Variants in KLHL8 observed in about 807,000 individuals in gnomAD.
KLHL8 encodes kelch-like protein 8.
Under a neutral mutation model 63.5 loss-of-function variants are expected in KLHL8, and 38 were observed. The observed-to-expected ratio is 0.60, with a 90% CI of 0.46 to 0.78. KLHL8 has a LOEUF of 0.78. Ranked by LOEUF, KLHL8 falls within the 30% of genes least tolerant of loss-of-function variation. The probability of loss-of-function intolerance (pLI) is 0.00; values close to 1 mark genes in which losing one functional copy is unlikely to be tolerated. For synonymous variants in KLHL8, 224 were observed against 254.3 expected, an observed-to-expected ratio of 0.88 and a Z score of 1.13; for missense variants, 566 against 752.4, an observed-to-expected ratio of 0.75 and a Z score of 2.90.
At chr4:87,233,087 T>A (rs1329850744) in intron 1 of KLHL8, among the ~76,000 whole-genome samples, 1 of 152,054 alleles carries the variant, frequency 6.6e-6, no homozygotes, top group Non-Finnish European at 1.5e-5. Flanking sequence ...TCGCCAAGGC[T>A]GGGGTGTAGT....
chr4:87,214,022 C>T, intron 1 of KLHL8, among the ~76,000 whole-genome samples: 1 of 151,990 alleles, frequency 6.6e-6, no homozygotes, highest in East Asian at 1.9e-4. Context: ...GTATCTAGTA[C>T]ATAGTAAGAT....
intron 4 of KLHL8, among the ~76,000 whole-genome samples, chr4:87,182,779 T>C (rs965584850): frequency 2.0e-5 from 3 of 152,328 alleles, no homozygotes; most frequent in East Asian, 1.9e-4. Context: ...CCCTTTTTAT[T>C]TGGTAAAATG....
At chr4:87,196,153 G>GTT (rs11416450) in intron 1 of KLHL8, among the ~76,000 whole-genome samples, 135 of 145,750 alleles carry the variant, frequency 9.3e-4, no homozygotes, top group Middle Eastern at 3.6e-3. Context: ...TTAACTGGGA[G>GTT]TTTTTTTTTT....
intron 6 of KLHL8, among the ~76,000 whole-genome samples, chr4:87,172,948 A>G (rs1315080086): frequency 1.3e-5 from 2 of 152,188 alleles, no homozygotes; most frequent in African/African-American, 4.8e-5. Flanking sequence ...TATTAAATAT[A>G]TATGTTTAAT....
intron 1 of KLHL8, among the ~76,000 whole-genome samples, chr4:87,208,853 A>T (rs1004307590): frequency 7.2e-5 from 11 of 152,192 alleles, no homozygotes; most frequent in African/African-American, 2.4e-4. Flanking sequence ...TTGTCAGCGT[A>T]CTATTTCTAT....
intron 1 of KLHL8, among the ~76,000 whole-genome samples, chr4:87,209,618 C>A (rs1424067945): frequency 6.6e-6 from 1 of 152,140 alleles, no homozygotes; most frequent in African/African-American, 2.4e-5. Flanking sequence ...CTAAGCCAGA[C>A]CACCTTATTC....
At chr4:87,168,710 GTA>G (rs954833009) in intron 8 of KLHL8, among the ~76,000 whole-genome samples, 5 of 142,784 alleles carry the variant, frequency 3.5e-5, no homozygotes, top group Non-Finnish European at 6.1e-5. Context: ...ATATATATGT[GTA>G]TATATATACG....
chr4:87,227,558 G>A (rs561950328), intron 1 of KLHL8, among the ~76,000 whole-genome samples: 1 of 152,290 alleles, frequency 6.6e-6, no homozygotes, highest in Non-Finnish European at 1.5e-5. Flanking sequence ...GCTGAGGTGG[G>A]AGGATCCCTT....
At chr4:87,238,656 G>T (rs950376820) in intron 1 of KLHL8, among the ~76,000 whole-genome samples, 1 of 152,154 alleles carries the variant, frequency 6.6e-6, no homozygotes, top group Non-Finnish European at 1.5e-5. Context: ...GTCATATGTG[G>T]CTAGTAGCTA....
At chr4:87,190,339 C>T (rs990385553) in intron 2 of KLHL8, among the ~76,000 whole-genome samples, 2 of 151,956 alleles carry the variant, frequency 1.3e-5, no homozygotes, top group African/African-American at 4.8e-5. Flanking sequence ...AATCTTGATA[C>T]TTCAAAATAA....
rs1731302507 is a variant in KLHL8 at position 87,187,345 on chromosome 4, G to A, written c.217-1546C>T. On this transcript the variant is annotated intron_variant, in intron 2 of 9. Transcript: ENST00000273963. ...AAAAGTGCTAAGATTATAGGTGTGA[G>A]CCATTGTGCCCGGCCATAGTTGCCA... is the stretch of plus-strand genomic sequence containing the variant. Among the ~76,000 whole-genome samples the A allele has an allele frequency of 2.0e-5, 3 of 150,862 alleles. No homozygotes were observed. In the East Asian group the frequency reaches 5.8e-4, roughly 29 times the overall value.
At chr4:87,214,415 G>GAGATATAT (rs1732512148) in intron 1 of KLHL8, among the ~76,000 whole-genome samples, 5 of 93,108 alleles carry the variant, frequency 5.4e-5, no homozygotes, top group Admixed American at 5.0e-4. Flanking sequence ...GCACATAACA[G>GAGATATAT]ATATATATAT....
At chr4:87,234,436 C>CA (rs35074980) in intron 1 of KLHL8, among the ~76,000 whole-genome samples, 55,392 of 131,502 alleles carry the variant, frequency 0.42, 10,933 homozygotes, top group South Asian at 0.47. Flanking sequence ...GTCTCTGTCT[C>CA]AAAAAAAAAA....
rs567811370 is a variant in KLHL8 at position 87,199,129 on chromosome 4, G to A, written c.-151-3439C>T. On this transcript the variant is annotated intron_variant, in intron 1 of 9. Transcript: ENST00000273963. ...ACTTTAAGTATAAAGACACAAATAGGTTAAAGGAATTGGATAGAAAGAAGA... is the reference window on the plus strand; with the variant it reads ...ACTTTAAGTATAAAGACACAAATAGATTAAAGGAATTGGATAGAAAGAAGA... Among the ~76,000 whole-genome samples the A allele has an allele frequency of 2.0e-5, 3 of 152,108 alleles. No homozygotes were observed. In the East Asian group the frequency reaches 5.8e-4, roughly 29 times the overall value.
chr4:87,225,581 A>T (rs909133413), upstream of KLHL8, among the ~76,000 whole-genome samples: 1 of 152,204 alleles, frequency 6.6e-6, no homozygotes, highest in Non-Finnish European at 1.5e-5. Context: ...CAAAATATCT[A>T]TATAAGACAG....
intron 6 of KLHL8, 74 bp from the exon 7 acceptor site, chr4:87,170,689 T>A: frequency 7.8e-7 from 1 of 1,280,642 alleles, no homozygotes; most frequent in Non-Finnish European, 1.1e-6. Flanking sequence ...AAAATTGTGC[T>A]AATGCAAATC....
At chr4:87,188,132 T>G (rs1334632185) in intron 2 of KLHL8, among the ~76,000 whole-genome samples, 1 of 152,230 alleles carries the variant, frequency 6.6e-6, no homozygotes, top group African/African-American at 2.4e-5. Flanking sequence ...AGACTAAAGT[T>G]GTAATGTAGA....
intron 1 of KLHL8, among the ~76,000 whole-genome samples, chr4:87,238,974 C>T (rs547319716): frequency 3.3e-4 from 50 of 152,220 alleles, no homozygotes; most frequent in South Asian, 2.9e-3. Flanking sequence ...TTTTTTTCCA[C>T]GTAAATATTG....
chr4:87,189,679 GAAAA>G (rs879283071), intron 2 of KLHL8, among the ~76,000 whole-genome samples: 1 of 145,508 alleles, frequency 6.9e-6, no homozygotes. Flanking sequence ...TGTTGCTATT[GAAAA>G]AAAAAAGAGT....
Sources: gnomAD v4.1 joint callset for allele counts (sites outside exome capture counted in the v4.1 genomes callset) on GRCh38, gnomAD v4.1.1 for gene constraint, MANE v1.5 for transcripts, NCBI Gene and HGNC (gene_info 2026-07-23, HGNC 2026-07-21) for gene names.